DKK2: variants seen among roughly 807,000 people sequenced by gnomAD.
DKK2 encodes the protein dickkopf Wnt signaling pathway inhibitor 2, also known as dickkopf-related protein 2.
A neutral mutation model predicts 28.1 loss-of-function variants in DKK2; 11 were observed. The observed-to-expected ratio is 0.39, with a 90% CI of 0.25 to 0.65. The LOEUF (loss-of-function observed/expected upper bound fraction) is 0.65. Among genes scored for constraint, DKK2 ranks in the 30% least tolerant of loss-of-function variants. The probability of loss-of-function intolerance (pLI) is 0.47; values close to 1 mark genes in which losing one functional copy is unlikely to be tolerated. For missense variants in DKK2, 326 were observed against 335.5 expected (o/e 0.97, Z 0.22); for synonymous variants, 135 against 126.5 (o/e 1.07, Z -0.45).
At chr4:106,926,545 C>G (rs1019099798) in intron 1 of DKK2, among the ~76,000 whole-genome samples, 1 of 152,140 alleles carries the variant, frequency 6.6e-6, no homozygotes, top group Non-Finnish European at 1.5e-5. Context: ...ACAGGATCCT[C>G]ATTCCAAACA....
At chr4:106,947,738 G>C (rs1368489514) in intron 1 of DKK2, among the ~76,000 whole-genome samples, 1 of 148,950 alleles carries the variant, frequency 6.7e-6, no homozygotes, top group Non-Finnish European at 1.5e-5. Flanking sequence ...GCAGTGGCAT[G>C]ATCATAGCTC....
chr4:106,956,818 T>A (rs1323127883), intron 1 of DKK2, among the ~76,000 whole-genome samples: 165 of 151,038 alleles, frequency 1.1e-3, no homozygotes, highest in African/African-American at 3.5e-3. Context: ...AACCTAGGCA[T>A]TACCATTCAG....
rs868679567 is a variant in DKK2 at position 106,965,917 on chromosome 4, A to T, written c.223-39968T>A. On this transcript the variant is annotated intron_variant, in intron 1 of 3. Transcript: ENST00000285311. ...AATTTCATCCATGTCCCTACAAAGG[A>T]CATGAACTCATCATTTTTTATGGCT... 1.1e-4 allele frequency among the ~76,000 whole-genome samples: 17 copies of T among 151,098 alleles called. 1 individual carries two copies. The South Asian group carries it at 1.3e-3, about 11-fold the overall frequency.
chr4:106,982,807 G>C (rs960802330), intron 1 of DKK2, among the ~76,000 whole-genome samples: 1 of 151,706 alleles, frequency 6.6e-6, no homozygotes, highest in Non-Finnish European at 1.5e-5. Flanking sequence ...GAGAGGCTAA[G>C]GTGGGAGGAT....
chr4:107,021,608 C>T (rs991149367), intron 1 of DKK2, among the ~76,000 whole-genome samples: 26 of 151,974 alleles, frequency 1.7e-4, no homozygotes, highest in African/African-American at 2.4e-4. Context: ...AGGTTACCGC[C>T]GATTCCTACA....
At chr4:106,995,678 T>C (rs191417187) in intron 1 of DKK2, among the ~76,000 whole-genome samples, 43 of 152,302 alleles carry the variant, frequency 2.8e-4, no homozygotes, top group Non-Finnish European at 2.2e-4. Context: ...AGTGGCGCGA[T>C]CTCGGCTCAC....
chr4:107,021,199 C>T (rs953701872), intron 1 of DKK2, among the ~76,000 whole-genome samples: 1 of 151,856 alleles, frequency 6.6e-6, no homozygotes, highest in African/African-American at 2.4e-5. Flanking sequence ...ACAATACATT[C>T]ATTTGACATT....
At chr4:106,980,675 T>A (rs79819597) in intron 1 of DKK2, among the ~76,000 whole-genome samples, 2,912 of 152,254 alleles carry the variant, frequency 0.019, 40 homozygotes, top group Middle Eastern at 0.037. Flanking sequence ...AAGCTAAAGT[T>A]CATAGAGCAT....
intron 1 of DKK2, among the ~76,000 whole-genome samples, chr4:107,032,969 C>T (rs549660069): frequency 2.6e-5 from 4 of 152,150 alleles, no homozygotes; most frequent in African/African-American, 9.6e-5. Context: ...TTGGTGACCA[C>T]ATAACTATAG....
In DKK2 at chr4:107,013,688, A is replaced by T. The variant is rs990790712; in HGVS notation, c.222+21682T>A. On this transcript the variant is annotated intron_variant, in intron 1 of 3. Coordinates refer to ENST00000285311, the MANE Select transcript of DKK2 (RefSeq NM_014421.3). Reference sequence around the variant, plus strand: ...AGGCAACAAAAGCAAAAATAGACACATGGGATTGCATCAAACTAAAAAGCT... The same window carrying T: ...AGGCAACAAAAGCAAAAATAGACACTTGGGATTGCATCAAACTAAAAAGCT... 5.9e-5 allele frequency among the ~76,000 whole-genome samples: 9 copies of T among 151,638 alleles called. 1 individual carries two copies. The highest frequency in any genetic ancestry group is 5.9e-4 in the Admixed American group (9 of 15,192).
chr4:107,010,195 A>G (rs1442599114), intron 1 of DKK2, among the ~76,000 whole-genome samples: 1 of 151,736 alleles, frequency 6.6e-6, no homozygotes, highest in East Asian at 1.9e-4. Flanking sequence ...ATAGTATGTG[A>G]TTTTATTTAA....
chr4:106,949,658 T>C (rs1724829450), intron 1 of DKK2, among the ~76,000 whole-genome samples: 1 of 152,180 alleles, frequency 6.6e-6, no homozygotes, highest in South Asian at 2.1e-4. Context: ...GCTTCTGTTT[T>C]CTTATATATG....
intron 1 of DKK2, among the ~76,000 whole-genome samples, chr4:106,942,048 T>C (rs755503438): frequency 3.9e-5 from 6 of 152,214 alleles, no homozygotes; most frequent in Admixed American, 2.0e-4. Context: ...AACAACATGG[T>C]ACAGAGAAAG....
chr4:106,983,451 A>G (rs1016122122), intron 1 of DKK2, among the ~76,000 whole-genome samples: 20 of 152,132 alleles, frequency 1.3e-4, no homozygotes, highest in Non-Finnish European at 2.2e-4. Flanking sequence ...ACTCAAAAGT[A>G]TTGAATGAAT....
In DKK2 at chr4:106,922,632, T is replaced by TC. The variant is rs1438798847; in HGVS notation, c.*1321dup. The TC allele has an allele frequency of 6.6e-6, 1 of 152,200 alleles. No homozygotes were observed. The highest frequency in any genetic ancestry group is 2.4e-5 in the African/African-American group (1 of 41,458). The allele number at this position is 152,200 out of a possible 1,614,324, so 9.4% of individuals were successfully genotyped here. On this transcript the variant is annotated 3_prime_UTR_variant, in exon 4 of 4. Transcript: ENST00000285311. ...AGGGCAATGAAACCTCACTACTCTG[T>TC]CTACTTCAGGAGTCCATTTTGTGAA... is the stretch of plus-strand genomic sequence containing the variant.
rs563859941 is a variant in DKK2, at chr4:106,939,908, G to A, written c.223-13959C>T. 2.1e-3 allele frequency among the ~76,000 whole-genome samples: 313 copies of A among 152,322 alleles called. 1 individual carries two copies. Among genetic ancestry groups the A allele is most frequent in the Non-Finnish European group, 3.7e-3 (253 of 68,028 alleles). ...TGCTGGGAAAACTGGCTAGCCATAT[G>A]TAGAAAGCTGAAACTGGATCCCTTC... is the stretch of plus-strand genomic sequence containing the variant. On this transcript the variant is annotated intron_variant, in intron 1 of 3. Coordinates refer to ENST00000285311, the MANE Select transcript of DKK2 (RefSeq NM_014421.3).
chr4:106,970,537 C>T (rs767494838), intron 1 of DKK2, among the ~76,000 whole-genome samples: 31 of 152,018 alleles, frequency 2.0e-4, no homozygotes, highest in Non-Finnish European at 4.0e-4. Context: ...TCCCATGGCA[C>T]GCTCATCATC....
intron 1 of DKK2, among the ~76,000 whole-genome samples, chr4:106,978,797 G>GA (rs71590173): frequency 0.16 from 23,986 of 149,652 alleles, 2,335 homozygotes; most frequent in East Asian, 0.4. Context: ...TGATAAAAAA[G>GA]AAAAAGAAAA....
chr4:106,948,581 T>C (rs537535325), intron 1 of DKK2, among the ~76,000 whole-genome samples: 2 of 152,284 alleles, frequency 1.3e-5, no homozygotes, highest in African/African-American at 4.8e-5. Context: ...AGTTGCCATG[T>C]AGATTAGAAT....
Sources: allele counts gnomAD v4.1 joint callset (sites outside exome capture counted in the v4.1 genomes callset), GRCh38; gene constraint gnomAD v4.1.1; transcripts MANE v1.5; gene names NCBI Gene and HGNC (gene_info 2026-07-23, HGNC 2026-07-21).